Variants in DNAH6 observed in about 807,000 individuals in gnomAD.
The protein encoded by DNAH6 is axonemal beta dynein heavy chain 6.
A neutral mutation model predicts 491.4 loss-of-function variants in DNAH6; 340 were observed. The observed-to-expected ratio is 0.69, with a 90% CI of 0.63 to 0.76. The LOEUF (loss-of-function observed/expected upper bound fraction) is 0.76. Ranked by LOEUF, DNAH6 falls within the 30% of genes least tolerant of loss-of-function variation. The pLI, the probability that DNAH6 is intolerant of heterozygous loss-of-function variation, is 0.00. For synonymous variants in DNAH6, 1,603 were observed against 1,686.1 expected, an observed-to-expected ratio of 0.95 and a Z score of 1.21; for missense variants, 4,443 against 4,972.2, an observed-to-expected ratio of 0.89 and a Z score of 3.20.
At chr2:84,627,238 G>C (rs1424123269) in intron 29 of DNAH6, among the ~76,000 whole-genome samples, 1 of 152,192 alleles carries the variant, frequency 6.6e-6, no homozygotes, top group African/African-American at 2.4e-5. Context: ...TGCACACTCA[G>C]ATTTCAGGAC....
chr2:84,607,821 C>A (rs1008855929), intron 21 of DNAH6, among the ~76,000 whole-genome samples: 74 of 152,074 alleles, frequency 4.9e-4, no homozygotes, highest in Non-Finnish European at 1.3e-4. Flanking sequence ...GGTGCTGTGG[C>A]AATTTCCTAA....
intron 29 of DNAH6, among the ~76,000 whole-genome samples, chr2:84,629,242 C>T (rs1159948930): frequency 6.6e-6 from 1 of 152,114 alleles, no homozygotes; most frequent in Admixed American, 6.6e-5. Flanking sequence ...ACACAGATCT[C>T]CAGGTGAATG....
chr2:84,519,366 A>G (rs1675913510), intron 2 of DNAH6, among the ~76,000 whole-genome samples: 1 of 152,176 alleles, frequency 6.6e-6, no homozygotes, highest in African/African-American at 2.4e-5. Flanking sequence ...TAACTTGCAC[A>G]GTATAAATAA....
chr2:84,794,245 A>G (rs1275438282), intron 68 of DNAH6, among the ~76,000 whole-genome samples: 1 of 152,234 alleles, frequency 6.6e-6, no homozygotes, highest in Non-Finnish European at 1.5e-5. Context: ...CCTAGGCATT[A>G]CCATTCAGGA....
At chr2:84,668,029 G>A (rs1056257172) in intron 37 of DNAH6, among the ~76,000 whole-genome samples, 2 of 151,252 alleles carry the variant, frequency 1.3e-5, no homozygotes, top group African/African-American at 4.9e-5. Context: ...TCATAGGTGG[G>A]AATTGAACAA....
At chr2:84,755,009 A>G (rs1263422817) in intron 63 of DNAH6, among the ~76,000 whole-genome samples, 2 of 152,222 alleles carry the variant, frequency 1.3e-5, no homozygotes, top group African/African-American at 2.4e-5. Context: ...TTCTTTTGTT[A>G]AACTTATTTT....
chr2:84,732,906 C>T (rs1029527362), intron 61 of DNAH6, among the ~76,000 whole-genome samples: 1 of 152,170 alleles, frequency 6.6e-6, no homozygotes, highest in Admixed American at 6.5e-5. Context: ...ACTGTTTGCC[C>T]ACATGTAAGT....
intron 54 of DNAH6, 141 bp downstream of exon 54, chr2:84,707,857 G>A (rs914529019): frequency 5.8e-5 from 37 of 639,414 alleles, no homozygotes; most frequent in Non-Finnish European, 8.8e-5. Flanking sequence ...ATTTCACAGC[G>A]CTTCACTCCC....
chr2:84,680,507 A>G (rs1026118879), intron 41 of DNAH6, among the ~76,000 whole-genome samples: 6 of 151,980 alleles, frequency 3.9e-5, no homozygotes, highest in African/African-American at 1.5e-4. Context: ...CTAAAACATG[A>G]AGGATGAAAG....
chr2:84,732,936 G>C, intron 61 of DNAH6, among the ~76,000 whole-genome samples: 1 of 152,218 alleles, frequency 6.6e-6, no homozygotes, highest in African/African-American at 2.4e-5. Flanking sequence ...AATATTGCCA[G>C]ATGGCATAAC....
At chr2:84,693,517 G>T (rs778299717) in intron 45 of DNAH6, among the ~76,000 whole-genome samples, 8 of 152,142 alleles carry the variant, frequency 5.3e-5, no homozygotes, top group Non-Finnish European at 1.2e-4. Flanking sequence ...GCCAAGGCAG[G>T]CGAATCATGA....
chr2:84,595,452 G>A (rs1454406117), intron 17 of DNAH6, among the ~76,000 whole-genome samples, 194 bp from the exon 18 acceptor site: 1 of 152,162 alleles, frequency 6.6e-6, no homozygotes, highest in African/African-American at 2.4e-5. Flanking sequence ...ATTTGATGAT[G>A]TGGGAGGCAA....
At position 84,557,774 on chromosome 2, in the gene DNAH6, G is replaced by A; in HGVS notation, c.1642G>A (p.Val548Met). The part of the protein sequence containing the change: ...LGAVNHCQNT[V>M]LSVPNLVPDS... ...TGCAGTTAATCACTGTCAAAACACT[G>A]TGTTATCAGTTCCTAATCTCGTGCC... Residue 548 changes from valine (V) to methionine (M), a missense_variant, in exon 11 of 77, where the codon GTG (valine) becomes ATG (methionine). Physicochemically the swap from Val to Met is conservative, Grantham distance 21. Around this residue, in one of 3 missense-constraint regions of DNAH6, gnomAD observed 2,977 missense variants for 3,296.6 expected, o/e 0.90. Coordinates refer to ENST00000389394, the MANE Select transcript of DNAH6 (RefSeq NM_001370.2). The A allele has an allele frequency of 6.2e-7, 1 of 1,601,992 alleles. No homozygotes were observed.
chr2:84,570,673 G>A (rs569476113), intron 11 of DNAH6, among the ~76,000 whole-genome samples: 1 of 152,150 alleles, frequency 6.6e-6, no homozygotes, highest in South Asian at 2.1e-4. Flanking sequence ...TCTGTAAAAT[G>A]GGCCCATTAG....
chr2:84,812,662 T>C, intron 73 of DNAH6, 136 bp downstream of exon 73: 1 of 768,362 alleles, frequency 1.3e-6, no homozygotes, highest in Non-Finnish European at 2.1e-6. Context: ...ATGTCCAGAA[T>C]GGCATCACTT....
chr2:84,786,543 A>G (rs1559040567), intron 67 of DNAH6, among the ~76,000 whole-genome samples: 1 of 152,198 alleles, frequency 6.6e-6, no homozygotes, highest in Non-Finnish European at 1.5e-5. Context: ...TGTTCCGCTA[A>G]CAAAAGCAGC....
At chr2:84,574,987 G>C (rs150133891) in intron 12 of DNAH6, among the ~76,000 whole-genome samples, 274 of 152,192 alleles carry the variant, frequency 1.8e-3, no homozygotes, top group African/African-American at 6.4e-3. Context: ...TCCTGCCTTT[G>C]AAACCCAATC....
chr2:84,677,201 C>T, intron 41 of DNAH6, 65 bp downstream of exon 41: 1 of 1,540,446 alleles, frequency 6.5e-7, no homozygotes, highest in Non-Finnish European at 8.8e-7. Context: ...AAGGCTCCCA[C>T]AATCAAAGTG....
chr2:84,670,396 T>C lies in DNAH6; in HGVS notation c.6375T>C (p.Asn2125=). The C allele has an allele frequency of 6.5e-7, 1 of 1,546,336 alleles. No individual in the cohort carries two copies. The highest frequency in any genetic ancestry group is 1.7e-4 in the Middle Eastern group (1 of 5,972). The part of the protein sequence containing the change: ...ESAGYVPVYL[N]FSAQTSSART... ...CTGGCTATGTCCCTGTTTATCTAAA[T>C]TTTTCTGCTCAAACTTCATCTGCAA... The change falls in exon 39 of 77, where the codon AAT becomes AAC. Residue 2125 remains asparagine, a synonymous_variant. Coordinates refer to ENST00000389394, the MANE Select transcript of DNAH6 (RefSeq NM_001370.2).
Sources: allele counts gnomAD v4.1 joint callset (sites outside exome capture counted in the v4.1 genomes callset), GRCh38; gene constraint gnomAD v4.1.1; regional missense constraint gnomAD v4.1.1; transcripts MANE v1.5; gene names NCBI Gene and HGNC (gene_info 2026-07-23, HGNC 2026-07-21).